ASIC2: variants seen among roughly 807,000 people sequenced by gnomAD.
ASIC2 encodes acid-sensing ion channel 2.
ASIC2 carries 25 observed loss-of-function variants against 57.3 expected under a neutral mutation model. The ratio of observed to expected loss-of-function variants is 0.44; its 90% CI spans 0.32 to 0.61. The LOEUF is 0.61. Ranked by LOEUF, ASIC2 falls within the 20% of genes least tolerant of loss-of-function variation. ASIC2 has a pLI of 0.06. For synonymous variants in ASIC2, 319 were observed against 307.5 expected (o/e 1.04, Z -0.39); for missense variants, 641 against 738.1 (o/e 0.87, Z 1.52).
intron 1 of ASIC2, among the ~76,000 whole-genome samples, chr17:33,700,311 A>G (rs1406390299): frequency 1.3e-5 from 2 of 152,210 alleles, no homozygotes; most frequent in Non-Finnish European, 2.9e-5. Context: ...GTTTGTAACC[A>G]TGACCTTGAC....
At chr17:33,025,794 G>A (rs1053537149) in intron 5 of ASIC2, 132 bp downstream of exon 5, 20 of 853,668 alleles carry the variant, frequency 2.3e-5, no homozygotes, top group Admixed American at 3.4e-5. Context: ...AACTCCACCC[G>A]ACCAGCCCCT....
chr17:33,632,747 A>G (rs1906215294), intron 1 of ASIC2, among the ~76,000 whole-genome samples: 1 of 152,002 alleles, frequency 6.6e-6, no homozygotes, highest in Non-Finnish European at 1.5e-5. Flanking sequence ...CACCCTTTGA[A>G]ACTCCCTCTG....
chr17:33,849,188 T>C (rs1258401453), intron 1 of ASIC2, among the ~76,000 whole-genome samples: 1 of 152,210 alleles, frequency 6.6e-6, no homozygotes, highest in Non-Finnish European at 1.5e-5. Flanking sequence ...GGTGAGATCC[T>C]GTGCTGAGTC....
At chr17:33,668,413 C>T (rs913630719) in intron 1 of ASIC2, among the ~76,000 whole-genome samples, 1 of 150,610 alleles carries the variant, frequency 6.6e-6, no homozygotes, top group African/African-American at 2.4e-5. Flanking sequence ...CTGTTAGAAG[C>T]TGCCCACATC....
At position 33,414,987 on chromosome 17, in the gene ASIC2, C is replaced by A. The variant is rs1029494472; in HGVS notation, c.556-302920G>T. Among the ~76,000 whole-genome samples, 3 of 152,192 alleles carry A rather than the reference C, an allele frequency of 2.0e-5. No homozygotes were observed. In the East Asian group the frequency reaches 5.8e-4, roughly 29 times the overall value. On this transcript the variant is annotated intron_variant, in intron 1 of 9. Coordinates refer to the ASIC2 transcript ENST00000359872. ...CCTCCTCACATGTTGGTGGGACTGACCATCTGACTGTGGTATTCAGATGTG... is the reference window on the plus strand; with the variant it reads ...CCTCCTCACATGTTGGTGGGACTGAACATCTGACTGTGGTATTCAGATGTG...
At chr17:34,038,203 C>T in intron 1 of ASIC2, 2 of 1,612,334 alleles carry the variant, frequency 1.2e-6, no homozygotes, top group Non-Finnish European at 1.7e-6. Flanking sequence ...CATTTAAGTA[C>T]TTTAAAGCAT....
intron 1 of ASIC2, among the ~76,000 whole-genome samples, chr17:33,455,286 C>G (rs868535886): frequency 3.3e-5 from 5 of 152,224 alleles, no homozygotes; most frequent in South Asian, 4.2e-4. Context: ...TGAATGATCC[C>G]CTCACCCAGG....
chr17:33,641,612 T>C (rs950898583), intron 1 of ASIC2, among the ~76,000 whole-genome samples: 2 of 152,178 alleles, frequency 1.3e-5, no homozygotes, highest in African/African-American at 4.8e-5. Flanking sequence ...TGGTGCAGAG[T>C]GTGCCTCACT....
intron 1 of ASIC2, among the ~76,000 whole-genome samples, chr17:33,837,994 T>G (rs189208399): frequency 2.5e-4 from 38 of 152,338 alleles, no homozygotes; most frequent in African/African-American, 9.1e-4. Context: ...CATACTTCCC[T>G]TTCAACTTCA....
chr17:33,634,276 C>T (rs1167199889), intron 1 of ASIC2, among the ~76,000 whole-genome samples: 1 of 152,166 alleles, frequency 6.6e-6, no homozygotes, highest in African/African-American at 2.4e-5. Context: ...TCTGATAGAT[C>T]AACCTCCCCC....
chr17:33,089,018 C>T lies in ASIC2; in HGVS notation c.860-28G>A, dbSNP rs115202531. On this transcript the variant is annotated intron_variant, in intron 2 of 9. Coordinates refer to ENST00000225823, the MANE Select transcript of ASIC2 (RefSeq NM_183377.2). ...GAAAGAACAAAGATGGACAGAGCCA[C>T]GGGTCAGTAACAACAGATGCTCATG... 4,442 of 1,612,882 alleles carry T rather than the reference C, an allele frequency of 2.8e-3. 33 individuals are homozygous for T. The African/African-American group carries it at 0.028, about 10-fold the overall frequency.
At chr17:33,960,263 CA>C (rs1275764292) in intron 1 of ASIC2, among the ~76,000 whole-genome samples, 2 of 152,216 alleles carry the variant, frequency 1.3e-5, no homozygotes, top group Non-Finnish European at 2.9e-5. Flanking sequence ...GAAGCCAACA[CA>C]GAGGATACCA....
chr17:33,806,436 G>A (rs1912270501), intron 1 of ASIC2, among the ~76,000 whole-genome samples: 1 of 152,344 alleles, frequency 6.6e-6, no homozygotes, highest in South Asian at 2.1e-4. Context: ...ATAAGCAGCA[G>A]GCTGGCTTGG....
chr17:33,751,164 C>T (rs1910418444), intron 1 of ASIC2, among the ~76,000 whole-genome samples: 1 of 152,178 alleles, frequency 6.6e-6, no homozygotes, highest in African/African-American at 2.4e-5. Flanking sequence ...TAGGCTACAA[C>T]TGGGCTGCAG....
In ASIC2 at chr17:33,969,004, G is replaced by C. The variant is rs1597954410; in HGVS notation, c.555+186974C>G. Among the ~76,000 whole-genome samples, 7 of 152,248 alleles carry C rather than the reference G, an allele frequency of 4.6e-5. 1 individual carries two copies. The South Asian group carries it at 1.5e-3, about 32-fold the overall frequency. On this transcript the variant is annotated intron_variant, in intron 1 of 9. Coordinates refer to the ASIC2 transcript ENST00000359872. ...CATCCTGAGTCAGACAATGTGTGTG[G>C]GGCGGATGGCAGTGAGTTTTAAAAA...
intron 1 of ASIC2, among the ~76,000 whole-genome samples, chr17:33,888,225 T>C (rs184134765): frequency 1.8e-4 from 27 of 152,146 alleles, no homozygotes; most frequent in Non-Finnish European, 3.4e-4. Context: ...ACCCAGCTTA[T>C]TGGGGAGGTC....
chr17:33,475,991 A>G (rs192428419), intron 1 of ASIC2, among the ~76,000 whole-genome samples: 240 of 152,318 alleles, frequency 1.6e-3, no homozygotes, highest in Admixed American at 4.7e-3. Context: ...GAAAAGTGAA[A>G]GGCTGGGAGG....
intron 1 of ASIC2, among the ~76,000 whole-genome samples, chr17:33,144,486 G>A (rs1904473045): frequency 6.6e-6 from 1 of 152,136 alleles, no homozygotes; most frequent in African/African-American, 2.4e-5. Flanking sequence ...TGAACCCTGT[G>A]AGATACCCTA....
chr17:33,403,947 A>G (rs1251714738), intron 1 of ASIC2, among the ~76,000 whole-genome samples: 1 of 152,196 alleles, frequency 6.6e-6, no homozygotes, highest in African/African-American at 2.4e-5. Flanking sequence ...AGACCCATGG[A>G]CTTGTTAATA....
Sources: allele counts gnomAD v4.1 joint callset (sites outside exome capture counted in the v4.1 genomes callset), GRCh38; gene constraint gnomAD v4.1.1; transcripts MANE v1.5; gene names NCBI Gene and HGNC (gene_info 2026-07-23, HGNC 2026-07-21).